Variants in TMEM170B observed in about 807,000 individuals in gnomAD.
The protein encoded by TMEM170B is transmembrane protein 170B.
A neutral mutation model predicts 13.0 loss-of-function variants in TMEM170B; 6 were observed. That is an observed-to-expected ratio of 0.46 (90% CI 0.25 to 0.91). TMEM170B has a LOEUF of 0.91. TMEM170B is among the 40% of genes least tolerant of loss of function. The pLI is 0.17. For missense variants in TMEM170B, 138 were observed against 165.2 expected (o/e 0.84, Z 0.90); for synonymous variants, 61 against 64.9 (o/e 0.94, Z 0.29).
chr6:11,542,911 T>C (rs79201212), intron 1 of TMEM170B, among the ~76,000 whole-genome samples: 1,599 of 152,306 alleles, frequency 0.01, 28 homozygotes, highest in African/African-American at 0.035. Context: ...TCAAAGTACA[T>C]TTGAAAGGAA....
intron 2 of TMEM170B, among the ~76,000 whole-genome samples, chr6:11,572,657 TATAG>T (rs2113782606): frequency 6.6e-6 from 1 of 152,230 alleles, no homozygotes; most frequent in East Asian, 1.9e-4. Context: ...CTCAAAACAT[TATAG>T]ATAGAGCAAA....
Position 11,581,741 on chromosome 6 carries a change from G to A in TMEM170B, c.*6180G>A, listed in dbSNP as rs1759960535. On this transcript the variant is annotated 3_prime_UTR_variant, in exon 3 of 3. Transcript: ENST00000379426. ...GCCTTGTTTAAAGGAACGTTAACTC[G>A]AGAGTACTACTGATGATGACGCTTC... 6.6e-6 allele frequency: 1 copy of A among 152,124 alleles called. No homozygotes were observed. Among genetic ancestry groups the A allele is most frequent in the Non-Finnish European group, 1.5e-5 (1 of 68,020 alleles). The allele number at this position is 152,124 out of a possible 1,614,324, so 9.4% of individuals were successfully genotyped here. A position where few individuals can be genotyped will look rare whatever the true frequency, so the allele number is the denominator to read the frequency against.
intron 1 of TMEM170B, among the ~76,000 whole-genome samples, chr6:11,563,477 C>T (rs1220200582): frequency 7.2e-5 from 11 of 152,136 alleles, no homozygotes; most frequent in Non-Finnish European, 1.5e-4. Flanking sequence ...GCATCCAGTC[C>T]CGCAGGTTAA....
At chr6:11,544,165 C>T (rs760966429) in intron 1 of TMEM170B, among the ~76,000 whole-genome samples, 8 of 152,070 alleles carry the variant, frequency 5.3e-5, no homozygotes, top group South Asian at 2.1e-4. Context: ...TCAGGCAGGT[C>T]GAGAGAGAAT....
intron 1 of TMEM170B, among the ~76,000 whole-genome samples, chr6:11,554,171 G>A (rs1334161150): frequency 6.6e-6 from 1 of 151,922 alleles, no homozygotes; most frequent in East Asian, 1.9e-4. Flanking sequence ...TTAATTTTCA[G>A]TATTTAGTAT....
At position 11,577,262 on chromosome 6, in the gene TMEM170B, A is replaced by G. The variant is rs1308471100; in HGVS notation, c.*1701A>G. 6.6e-6 allele frequency: 1 copy of G among 152,094 alleles called. No homozygotes were observed. Among genetic ancestry groups the G allele is most frequent in the Non-Finnish European group, 1.5e-5 (1 of 67,950 alleles). The allele number at this position is 152,094 out of a possible 1,614,324, so 9.4% of individuals were successfully genotyped here. ...GAGATTTACTAACACTGGCTTGGAA[A>G]TTTGTTTTAAAAAAATAATAAGCAA... is the stretch of plus-strand genomic sequence containing the variant. On this transcript the variant is annotated 3_prime_UTR_variant, in exon 3 of 3. Coordinates refer to ENST00000379426, the MANE Select transcript of TMEM170B (RefSeq NM_001100829.3).
chr6:11,566,561 G>A (rs1474420474), intron 2 of TMEM170B, among the ~76,000 whole-genome samples: 1 of 152,178 alleles, frequency 6.6e-6, no homozygotes, highest in Non-Finnish European at 1.5e-5. Flanking sequence ...GAAATAATTC[G>A]ACTGAGGGGT....
intron 1 of TMEM170B, among the ~76,000 whole-genome samples, chr6:11,541,144 A>C (rs1759355161): frequency 6.6e-6 from 1 of 152,168 alleles, no homozygotes; most frequent in South Asian, 2.1e-4. Context: ...CATTGGCTTT[A>C]ATATAAAGTC....
rs568793989 is a variant in TMEM170B, at chr6:11,551,407, G to A, written c.97+13033G>A. Among the ~76,000 whole-genome samples, 100 of 152,296 alleles carry A rather than the reference G, an allele frequency of 6.6e-4. 2 individuals are homozygous for A. The highest frequency in any genetic ancestry group is 5.6e-3 in the Admixed American group (86 of 15,302). On this transcript the variant is annotated intron_variant, in intron 1 of 2. Coordinates refer to ENST00000379426, the MANE Select transcript of TMEM170B (RefSeq NM_001100829.3). Reference sequence around the variant, plus strand: ...AGGGACTCTTGAAGGCCTGCTGGATGCTGGCTAAGACAGTCTTAAAGGTGG... The same window carrying A: ...AGGGACTCTTGAAGGCCTGCTGGATACTGGCTAAGACAGTCTTAAAGGTGG...
At chr6:11,554,177 A>G (rs145156136) in intron 1 of TMEM170B, among the ~76,000 whole-genome samples, 264 of 152,254 alleles carry the variant, frequency 1.7e-3, no homozygotes, top group Non-Finnish European at 3.3e-3. Context: ...TTCAGTATTT[A>G]GTATAAATAT....
At chr6:11,547,970 A>G (rs1207431048) in intron 1 of TMEM170B, among the ~76,000 whole-genome samples, 1 of 152,220 alleles carries the variant, frequency 6.6e-6, no homozygotes, top group Non-Finnish European at 1.5e-5. Flanking sequence ...ATTTCTAGGG[A>G]TATGTTTTCT....
At chr6:11,538,453 C>G in intron 1 of TMEM170B, 79 bp downstream of exon 1, 1 of 1,095,048 alleles carries the variant, frequency 9.1e-7, no homozygotes, top group Non-Finnish European at 1.3e-6. Context: ...AGGGGACACG[C>G]TCCTCGCCGC....
At chr6:11,539,581 T>C (rs577580114) in intron 1 of TMEM170B, among the ~76,000 whole-genome samples, 1 of 152,312 alleles carries the variant, frequency 6.6e-6, no homozygotes, top group East Asian at 1.9e-4. Context: ...TTAAAGTAGA[T>C]TCTGGATTGC....
Position 11,580,817 on chromosome 6 carries a change from A to C in TMEM170B, c.*5256A>C, listed in dbSNP as rs1376361041. 2.0e-5 allele frequency: 3 copies of C among 152,194 alleles called. No homozygotes were observed. The highest frequency in any genetic ancestry group is 4.4e-5 in the Non-Finnish European group (3 of 68,026). 9.4% of individuals were successfully genotyped at this position (152,194 alleles called of 1,614,324 possible). On this transcript the variant is annotated 3_prime_UTR_variant, in exon 3 of 3. Transcript: ENST00000379426. ...GTGTTTTGTTAGGACTAGAAACTAT[A>C]CTGGATGAGTATGTATACTGCATGT...
chr6:11,560,600 T>A (rs1419921790), intron 1 of TMEM170B, among the ~76,000 whole-genome samples: 59 of 118,616 alleles, frequency 5.0e-4, no homozygotes, highest in South Asian at 8.7e-4. Context: ...AAAAAAAAAA[T>A]GAAAAACTAA....
intron 2 of TMEM170B, among the ~76,000 whole-genome samples, chr6:11,569,323 T>C (rs764944004): frequency 1.8e-4 from 28 of 152,296 alleles, no homozygotes; most frequent in Non-Finnish European, 3.8e-4. Flanking sequence ...GAAAGGGTTT[T>C]TGTCTTATGG....
At chr6:11,552,017 G>T (rs111958020) in intron 1 of TMEM170B, among the ~76,000 whole-genome samples, 3 of 152,188 alleles carry the variant, frequency 2.0e-5, no homozygotes, top group African/African-American at 7.2e-5. Flanking sequence ...CCAGGCCTGC[G>T]TATCAGAATC....
intron 1 of TMEM170B, among the ~76,000 whole-genome samples, chr6:11,562,694 T>TATA (rs1303323240): frequency 2.0e-5 from 3 of 152,138 alleles, no homozygotes; most frequent in African/African-American, 7.2e-5. Flanking sequence ...AAATCCACAG[T>TATA]ATAATATATC....
intron 1 of TMEM170B, among the ~76,000 whole-genome samples, chr6:11,552,474 G>A (rs1759537488): frequency 6.6e-6 from 1 of 152,194 alleles, no homozygotes; most frequent in South Asian, 2.1e-4. Flanking sequence ...CTAAATAGTA[G>A]AAAGGATAGT....
Sources: gnomAD v4.1 joint callset for allele counts (sites outside exome capture counted in the v4.1 genomes callset) on GRCh38, gnomAD v4.1.1 for gene constraint, MANE v1.5 for transcripts, NCBI Gene and HGNC (gene_info 2026-07-23, HGNC 2026-07-21) for gene names.